The following FRMD3 variants were observed in gnomAD, a reference collection of about 807,000 sequenced individuals.
The protein encoded by FRMD3 is FERM domain containing 3, also known as FERM domain-containing protein 3.
Under a neutral mutation model 70.2 loss-of-function variants are expected in FRMD3, and 33 were observed. That is an observed-to-expected ratio of 0.47 (90% CI 0.36 to 0.63). The LOEUF (loss-of-function observed/expected upper bound fraction) is 0.63, where lower values mean the gene tolerates loss of function less well. Ranked by LOEUF, FRMD3 falls within the 20% of genes least tolerant of loss-of-function variation. The probability of loss-of-function intolerance (pLI) is 0.00; values close to 1 mark genes in which losing one functional copy is unlikely to be tolerated. For synonymous variants in FRMD3, 279 were observed against 255.9 expected (o/e 1.09, Z -0.86); for missense variants, 632 against 711.4 (o/e 0.89, Z 1.27).
chr9:83,549,331 C>T, the FRMD3 span, among the ~76,000 whole-genome samples: 321 of 152,216 alleles, frequency 2.1e-3, no homozygotes, highest in Non-Finnish European at 4.0e-3. Context: ...GTATGTTCCA[C>T]ATTTTGTTTA....
the FRMD3 span, among the ~76,000 whole-genome samples, chr9:83,575,968 C>A: frequency 6.6e-6 from 1 of 152,008 alleles, no homozygotes; most frequent in Admixed American, 6.6e-5. Context: ...CCTATAATCT[C>A]AGTGCTTTGG....
intron 1 of FRMD3, among the ~76,000 whole-genome samples, chr9:83,473,570 A>G (rs1828321609): frequency 6.6e-6 from 1 of 152,158 alleles, no homozygotes; most frequent in South Asian, 2.1e-4. Flanking sequence ...AGTACATCAT[A>G]CACTTTCTAT....
intron 13 of FRMD3, among the ~76,000 whole-genome samples, chr9:83,250,292 CGGATCAGGAG>C (rs1832341381): frequency 6.6e-6 from 1 of 152,132 alleles, no homozygotes; most frequent in Non-Finnish European, 1.5e-5. Context: ...TTGCAACCTG[CGGATCAGGAG>C]ATGCCCTTAT....
intron 1 of FRMD3, among the ~76,000 whole-genome samples, chr9:83,437,495 T>C (rs2131387324): frequency 6.6e-6 from 1 of 152,352 alleles, no homozygotes; most frequent in Middle Eastern, 3.4e-3. Flanking sequence ...CCTTGAGATT[T>C]TCTTTATCGT....
At chr9:83,452,883 C>G (rs1472443530) in intron 1 of FRMD3, among the ~76,000 whole-genome samples, 2 of 112,098 alleles carry the variant, frequency 1.8e-5, no homozygotes, top group Non-Finnish European at 3.4e-5. Context: ...GAGACAGAGT[C>G]TCGCCCTGTC....
At chr9:83,359,531 T>C (rs1265430297) in intron 3 of FRMD3, among the ~76,000 whole-genome samples, 2 of 152,050 alleles carry the variant, frequency 1.3e-5, no homozygotes, top group Admixed American at 6.5e-5. Context: ...TATTTTCAAC[T>C]TTGGAAGGCT....
chr9:83,534,612 T>C (rs1829853763), intron 1 of FRMD3, among the ~76,000 whole-genome samples: 2 of 152,140 alleles, frequency 1.3e-5, no homozygotes, highest in Non-Finnish European at 2.9e-5. Context: ...ACTAGGCAAT[T>C]CTCCCTTAGT....
At chr9:83,439,530 G>A (rs770830237) in intron 1 of FRMD3, among the ~76,000 whole-genome samples, 30 of 151,866 alleles carry the variant, frequency 2.0e-4, no homozygotes, top group Non-Finnish European at 3.4e-4. Context: ...TTCTATGTCC[G>A]CCATCTTTCT....
chr9:83,270,072 C>A (rs1833481545), intron 13 of FRMD3, among the ~76,000 whole-genome samples: 1 of 152,206 alleles, frequency 6.6e-6, no homozygotes, highest in Admixed American at 6.5e-5. Flanking sequence ...CAGGATCCTG[C>A]ACAGTGAGCA....
At chr9:83,312,971 C>G (rs1587712395) in intron 7 of FRMD3, among the ~76,000 whole-genome samples, 1 of 152,180 alleles carries the variant, frequency 6.6e-6, no homozygotes, top group East Asian at 1.9e-4. Context: ...TACTTAAGAG[C>G]CTAACTGATA....
chr9:83,542,698 A>T (rs1387769926), upstream of FRMD3, among the ~76,000 whole-genome samples: 1 of 152,222 alleles, frequency 6.6e-6, no homozygotes. Context: ...TGACTTTAAG[A>T]CTTAATATAA....
intron 12 of FRMD3, among the ~76,000 whole-genome samples, chr9:83,292,160 ACTT>A (rs919791192): frequency 2.2e-5 from 2 of 92,502 alleles, no homozygotes; most frequent in Admixed American, 1.7e-4. Flanking sequence ...ATTAATAAAT[ACTT>A]TTTTTTTTTT....
intron 2 of FRMD3, among the ~76,000 whole-genome samples, chr9:83,375,369 C>T (rs1437398461): frequency 6.6e-6 from 1 of 152,206 alleles, no homozygotes; most frequent in Non-Finnish European, 1.5e-5. Context: ...CATCCTTTTC[C>T]TCTTAGCCTA....
chr9:83,581,654 T>C, the FRMD3 span, among the ~76,000 whole-genome samples: 1 of 152,176 alleles, frequency 6.6e-6, no homozygotes, highest in South Asian at 2.1e-4. Flanking sequence ...CAAAAATTTG[T>C]ATACAAATGT....
chr9:83,473,475 T>C (rs140922055), intron 1 of FRMD3, among the ~76,000 whole-genome samples: 5 of 152,378 alleles, frequency 3.3e-5, no homozygotes, highest in South Asian at 4.1e-4. Context: ...TCAATGTTCA[T>C]GTGTCTTTGA....
the FRMD3 span, among the ~76,000 whole-genome samples, chr9:83,573,676 C>CA: frequency 6.6e-6 from 1 of 151,642 alleles, no homozygotes; most frequent in Admixed American, 6.6e-5. Context: ...GTCCATATGG[C>CA]AAAAAATGAT....
intron 1 of FRMD3, among the ~76,000 whole-genome samples, chr9:83,443,464 ATG>A (rs1192790781): frequency 6.6e-6 from 1 of 152,202 alleles, no homozygotes; most frequent in Non-Finnish European, 1.5e-5. Flanking sequence ...TACAAAGGAC[ATG>A]AACTCATCCT....
chr9:83,298,726 C>T, intron 12 of FRMD3, 22 bp downstream of exon 12: 1 of 1,607,346 alleles, frequency 6.2e-7, no homozygotes, highest in Non-Finnish European at 8.5e-7. Context: ...CCACCTGGAA[C>T]CCACAGTGAT....
chr9:83,510,656 G>A (rs574626336), intron 1 of FRMD3, among the ~76,000 whole-genome samples: 5 of 152,284 alleles, frequency 3.3e-5, no homozygotes, highest in South Asian at 4.1e-4. Flanking sequence ...ACTGCGGTAC[G>A]TCCATATAAC....
Sources: allele counts gnomAD v4.1 joint callset (sites outside exome capture counted in the v4.1 genomes callset), GRCh38; gene constraint gnomAD v4.1.1; transcripts MANE v1.5; gene names NCBI Gene and HGNC (gene_info 2026-07-23, HGNC 2026-07-21).